Variants in HECW1 observed in about 807,000 individuals in gnomAD.
HECW1 encodes HECT, C2 and WW domain containing E3 ubiquitin protein ligase 1.
Under a neutral mutation model 182.3 loss-of-function variants are expected in HECW1, and 61 were observed. The ratio of observed to expected loss-of-function variants is 0.33; its 90% CI spans 0.27 to 0.41. The LOEUF (loss-of-function observed/expected upper bound fraction) is 0.41. HECW1 is among the 10% of genes least tolerant of loss of function. The pLI is 1.00. For missense variants in HECW1, 1,739 were observed against 2,108.9 expected (o/e 0.82, Z 3.44); for synonymous variants, 859 against 832.6 (o/e 1.03, Z -0.55).
intron 8 of HECW1, among the ~76,000 whole-genome samples, chr7:43,424,274 C>A (rs1174534041): frequency 2.6e-5 from 4 of 152,152 alleles, no homozygotes; most frequent in African/African-American, 9.7e-5. Flanking sequence ...GTGTAGCTTT[C>A]TCAGCATTTT....
At chr7:43,196,565 A>C (rs1381718100) in intron 2 of HECW1, among the ~76,000 whole-genome samples, 1 of 152,204 alleles carries the variant, frequency 6.6e-6, no homozygotes, top group Admixed American at 6.5e-5. Flanking sequence ...GTAACTGCAT[A>C]TGCATGAATC....
At chr7:43,293,008 AG>A (rs1805589335) in intron 3 of HECW1, among the ~76,000 whole-genome samples, 1 of 152,140 alleles carries the variant, frequency 6.6e-6, no homozygotes, top group Non-Finnish European at 1.5e-5. Context: ...GTGGATCATG[AG>A]GTCAGGAGAT....
At chr7:43,428,979 C>T (rs548823115) in intron 8 of HECW1, among the ~76,000 whole-genome samples, 126 of 150,980 alleles carry the variant, frequency 8.3e-4, no homozygotes, top group African/African-American at 3.0e-3. Context: ...TGTATGTATA[C>T]AAATACGTAC....
chr7:43,195,757 AAG>A (rs879548621), intron 2 of HECW1, among the ~76,000 whole-genome samples: 7 of 151,828 alleles, frequency 4.6e-5, no homozygotes, highest in Admixed American at 2.0e-4. Context: ...AGGCATATTA[AAG>A]AGAGAGTTTG....
intron 6 of HECW1, among the ~76,000 whole-genome samples, chr7:43,381,830 T>C (rs2074564263): frequency 6.6e-6 from 1 of 151,928 alleles, no homozygotes; most frequent in South Asian, 2.1e-4. Flanking sequence ...GGCTGATAAT[T>C]TTTTAAAAAT....
At chr7:43,526,819 A>T (rs2080776347) in intron 24 of HECW1, among the ~76,000 whole-genome samples, 1 of 152,140 alleles carries the variant, frequency 6.6e-6, no homozygotes, top group Non-Finnish European at 1.5e-5. Context: ...TGGGCAACAT[A>T]GCAAGACCTG....
intron 3 of HECW1, among the ~76,000 whole-genome samples, chr7:43,267,889 G>T (rs1185490837): frequency 6.6e-6 from 1 of 152,088 alleles, no homozygotes; most frequent in African/African-American, 2.4e-5. Flanking sequence ...CTGAAGTTAT[G>T]AACATAACTA....
chr7:43,219,567 T>G (rs1796767724), intron 2 of HECW1, among the ~76,000 whole-genome samples: 1 of 151,942 alleles, frequency 6.6e-6, no homozygotes, highest in African/African-American at 2.4e-5. Flanking sequence ...AGGGGGTGTG[T>G]GTGAGAGGGT....
intron 2 of HECW1, among the ~76,000 whole-genome samples, chr7:43,189,369 G>A (rs1174026669): frequency 2.1e-5 from 3 of 145,608 alleles, no homozygotes; most frequent in Non-Finnish European, 4.6e-5. Context: ...TCAGGCGATA[G>A]GGACATTGCT....
intron 5 of HECW1, among the ~76,000 whole-genome samples, chr7:43,329,459 CAAAG>C (rs969731320): frequency 1.1e-4 from 16 of 151,228 alleles, no homozygotes; most frequent in African/African-American, 3.6e-4. Context: ...AGGTGAGAAA[CAAAG>C]AACACCTGGA....
intron 23 of HECW1, chr7:43,508,737 A>C: frequency 1.9e-6 from 1 of 538,896 alleles, no homozygotes; most frequent in Non-Finnish European, 3.3e-6. Flanking sequence ...GAAAGCTGCC[A>C]TAAGAGTTTA....
chr7:43,286,564 C>T (rs1430677165), intron 3 of HECW1, among the ~76,000 whole-genome samples: 3 of 152,118 alleles, frequency 2.0e-5, no homozygotes, highest in Non-Finnish European at 4.4e-5. Context: ...ATGATAAGCT[C>T]TCAAAAATGG....
chr7:43,272,156 C>A (rs533193638), intron 3 of HECW1, among the ~76,000 whole-genome samples: 137 of 152,118 alleles, frequency 9.0e-4, no homozygotes, highest in African/African-American at 3.1e-3. Flanking sequence ...AAGAATGAAA[C>A]TGAATCCCTA....
At chr7:43,217,580 A>G (rs1415655699) in intron 2 of HECW1, among the ~76,000 whole-genome samples, 2 of 152,202 alleles carry the variant, frequency 1.3e-5, no homozygotes, top group African/African-American at 2.4e-5. Flanking sequence ...AGTGAAACCT[A>G]CCTGAGCTAA....
intron 9 of HECW1, among the ~76,000 whole-genome samples, chr7:43,441,821 AT>A (rs2076897942): frequency 1.3e-5 from 2 of 152,246 alleles, no homozygotes; most frequent in Admixed American, 1.3e-4. Flanking sequence ...TTTTCCAACA[AT>A]TTAAAATGTA....
chr7:43,412,660 G>C (rs4724204), intron 8 of HECW1, among the ~76,000 whole-genome samples: 37,873 of 142,688 alleles, frequency 0.27, 5,558 homozygotes, highest in East Asian at 0.69. Context: ...GTGTCCATGT[G>C]ATCTCAATGT....
At position 43,114,372 on chromosome 7, in the gene HECW1, C is replaced by T. The variant is rs1784877613; in HGVS notation, c.-51C>T. The T allele has an allele frequency of 7.4e-7, 1 of 1,353,072 alleles. No individual in the cohort carries two copies. The highest frequency in any genetic ancestry group is 9.7e-7 in the Non-Finnish European group (1 of 1,027,724). 83.8% of individuals were successfully genotyped at this position (1,353,072 alleles called of 1,614,324 possible). ...TCTGCGTTTCTCATCAGCAGACTCACTCCGGCTGTGGCTATTACGGTAATT... is the reference window on the plus strand; with the variant it reads ...TCTGCGTTTCTCATCAGCAGACTCATTCCGGCTGTGGCTATTACGGTAATT... On this transcript the variant is annotated 5_prime_UTR_variant, in exon 2 of 30. Coordinates refer to ENST00000395891, the MANE Select transcript of HECW1 (RefSeq NM_015052.5).
intron 5 of HECW1, among the ~76,000 whole-genome samples, chr7:43,331,589 T>G (rs552293615): frequency 2.8e-5 from 4 of 142,294 alleles, no homozygotes; most frequent in South Asian, 4.5e-4. Flanking sequence ...CAAGACTCTG[T>G]CTCAAAAAAA....
chr7:43,408,746 G>A (rs2152845934), intron 8 of HECW1, among the ~76,000 whole-genome samples: 1 of 152,284 alleles, frequency 6.6e-6, no homozygotes, highest in Non-Finnish European at 1.5e-5. Context: ...TGCCAGACCT[G>A]AGCTTGAAGC....
Sources: allele counts gnomAD v4.1 joint callset (sites outside exome capture counted in the v4.1 genomes callset), GRCh38; gene constraint gnomAD v4.1.1; transcripts MANE v1.5; gene names NCBI Gene and HGNC (gene_info 2026-07-23, HGNC 2026-07-21).